The following PTPRN2 variants were observed in gnomAD, a reference collection of about 807,000 sequenced individuals.
PTPRN2 encodes receptor-type tyrosine-protein phosphatase N2.
PTPRN2 carries 74 observed loss-of-function variants against 118.8 expected under a neutral mutation model. The observed-to-expected ratio is 0.62, with a 90% CI of 0.52 to 0.76. PTPRN2 has a LOEUF of 0.76. Ranked by LOEUF, PTPRN2 falls within the 30% of genes least tolerant of loss-of-function variation. The probability of loss-of-function intolerance (pLI) is 0.00; values close to 1 mark genes in which losing one functional copy is unlikely to be tolerated. For synonymous variants in PTPRN2, 641 were observed against 608.0 expected, an observed-to-expected ratio of 1.05 and a Z score of -0.80; for missense variants, 1,481 against 1,394.4, an observed-to-expected ratio of 1.06 and a Z score of -0.99.
Position 157,587,125 on chromosome 7 carries a change from A to G in PTPRN2, c.2496+8113T>C, listed in dbSNP as rs556855933. ...TAGTGCAGTAGCTGACACAGCAGAC[A>G]GGCAGATACACAGGCAGGCAGACAG... On this transcript the variant is annotated intron_variant, in intron 17 of 22. Coordinates refer to ENST00000389418, the MANE Select transcript of PTPRN2 (RefSeq NM_002847.5). The surrounding 1 kb of genome is among the most constrained non-coding windows in gnomAD (Gnocchi z 5.3). Among the ~76,000 whole-genome samples, 50 of 152,308 alleles carry G rather than the reference A, an allele frequency of 3.3e-4. No homozygotes were observed. The highest frequency in any genetic ancestry group is 1.1e-3 in the African/African-American group (44 of 41,570).
chr7:157,743,290 G>A (rs748916623), intron 12 of PTPRN2, among the ~76,000 whole-genome samples: 3 of 152,174 alleles, frequency 2.0e-5, no homozygotes, highest in Admixed American at 6.5e-5. Flanking sequence ...CTTCCACAGC[G>A]AGGTCTGGTA....
chr7:157,907,812 T>C (rs905717262), intron 11 of PTPRN2, among the ~76,000 whole-genome samples: 2 of 152,138 alleles, frequency 1.3e-5, no homozygotes, highest in Admixed American at 6.5e-5. Context: ...TGTTCAGTCC[T>C]CAGGCCCTGA....
intron 3 of PTPRN2, among the ~76,000 whole-genome samples, chr7:158,277,449 G>C (rs1020079775): frequency 2.0e-5 from 3 of 152,180 alleles, no homozygotes; most frequent in African/African-American, 7.2e-5. Flanking sequence ...AAGCCCTCAA[G>C]TCTGCCCTAT....
At chr7:157,761,868 AT>A (rs1379412015) in intron 12 of PTPRN2, among the ~76,000 whole-genome samples, 2 of 152,132 alleles carry the variant, frequency 1.3e-5, no homozygotes, top group African/African-American at 4.8e-5. Flanking sequence ...AAGGGCTAAT[AT>A]CCAGAATCTA....
chr7:158,542,373 G>A (rs181963858), intron 1 of PTPRN2, among the ~76,000 whole-genome samples: 19 of 152,296 alleles, frequency 1.2e-4, no homozygotes, highest in African/African-American at 4.3e-4. Flanking sequence ...GGCTGGTCTC[G>A]AACTTCTAAC....
At chr7:157,930,141 A>C (rs61356677) in intron 11 of PTPRN2, among the ~76,000 whole-genome samples, 4,299 of 152,216 alleles carry the variant, frequency 0.028, 168 homozygotes, top group African/African-American at 0.09. Flanking sequence ...TCCTGCAGAG[A>C]TAGCACGAGG....
chr7:158,098,839 C>T (rs367873983), intron 10 of PTPRN2, among the ~76,000 whole-genome samples: 3 of 149,866 alleles, frequency 2.0e-5, no homozygotes, highest in Non-Finnish European at 4.4e-5. Flanking sequence ...CAGTGGGGGA[C>T]GGGGAACGGG....
intron 9 of PTPRN2, among the ~76,000 whole-genome samples, chr7:158,114,547 C>T (rs528115668): frequency 6.6e-6 from 1 of 152,166 alleles, no homozygotes; most frequent in Non-Finnish European, 1.5e-5. Context: ...ACTTCCTGAG[C>T]ACTTGTGGTA....
chr7:157,610,535 C>A lies in PTPRN2; in HGVS notation c.2345-6460G>T, dbSNP rs954827612. Among the ~76,000 whole-genome samples the A allele has an allele frequency of 6.6e-6, 1 of 152,188 alleles. No individual in the cohort carries two copies. The highest frequency in any genetic ancestry group is 2.4e-5 in the African/African-American group (1 of 41,436). On this transcript the variant is annotated intron_variant, in intron 15 of 22. Transcript: ENST00000389418. This position sits in a 1 kb window ranked among gnomAD's most constrained non-coding sequence, Gnocchi z 5.1. Reference sequence around the variant, plus strand: ...CCTGCTCCGAGTTTATGGTGTCCATCGAGGTCTGAGGGCTGCAAAGGCACA... The same window carrying A: ...CCTGCTCCGAGTTTATGGTGTCCATAGAGGTCTGAGGGCTGCAAAGGCACA...
chr7:158,080,266 G>A (rs999383574), intron 11 of PTPRN2, among the ~76,000 whole-genome samples: 10 of 120,560 alleles, frequency 8.3e-5, no homozygotes, highest in Non-Finnish European at 1.4e-4. Flanking sequence ...AAATAAACCA[G>A]AGTATTTTGC....
At chr7:157,915,995 T>G (rs1043391836) in intron 11 of PTPRN2, among the ~76,000 whole-genome samples, 8 of 152,362 alleles carry the variant, frequency 5.3e-5, no homozygotes, top group Non-Finnish European at 1.2e-4. Flanking sequence ...AATTCAGGTT[T>G]GGGCAAAACC....
chr7:157,731,488 T>TTCCG (rs1799902068), intron 12 of PTPRN2, among the ~76,000 whole-genome samples: 2 of 148,026 alleles, frequency 1.4e-5, no homozygotes, highest in Non-Finnish European at 1.5e-5. Flanking sequence ...AGTTACCCTT[T>TTCCG]CCCGTCCCAT....
intron 2 of PTPRN2, among the ~76,000 whole-genome samples, chr7:158,383,096 G>A (rs1811085046): frequency 6.6e-6 from 1 of 152,116 alleles, no homozygotes; most frequent in Admixed American, 6.5e-5. Flanking sequence ...ATGATGCCTG[G>A]AGAACATTAA....
At chr7:158,359,243 G>A (rs546395768) in intron 2 of PTPRN2, among the ~76,000 whole-genome samples, 6 of 152,332 alleles carry the variant, frequency 3.9e-5, no homozygotes, top group South Asian at 4.1e-4. Flanking sequence ...CTACAGAGGC[G>A]ACCATCACTA....
chr7:158,100,543 C>T (rs1815150301), intron 10 of PTPRN2, among the ~76,000 whole-genome samples: 1 of 152,178 alleles, frequency 6.6e-6, no homozygotes, highest in Admixed American at 6.5e-5. Flanking sequence ...TCCCTGTTCA[C>T]CACATCCACA....
chr7:157,689,018 C>T (rs1045634319), intron 12 of PTPRN2, among the ~76,000 whole-genome samples: 1 of 152,176 alleles, frequency 6.6e-6, no homozygotes, highest in South Asian at 2.1e-4. Flanking sequence ...GCGCCGGCCG[C>T]GAGGGAGGAC....
chr7:158,331,285 C>G (rs1455249752), intron 2 of PTPRN2, among the ~76,000 whole-genome samples: 2 of 146,502 alleles, frequency 1.4e-5, no homozygotes, highest in African/African-American at 2.6e-5. Context: ...CACCCGCAGA[C>G]GTCACTCACA....
intron 11 of PTPRN2, among the ~76,000 whole-genome samples, chr7:158,073,903 C>T (rs1175759859): frequency 1.3e-5 from 2 of 152,196 alleles, no homozygotes; most frequent in South Asian, 2.1e-4. Flanking sequence ...CCTCGTCCCC[C>T]AGGCCCACAG....
chr7:158,149,774 A>G (rs533985118), intron 6 of PTPRN2, among the ~76,000 whole-genome samples: 20 of 151,370 alleles, frequency 1.3e-4, no homozygotes, highest in African/African-American at 4.8e-4. Context: ...ATTGCACTCC[A>G]GCCTGAGTGA....
Sources: gnomAD v4.1 joint callset for allele counts (sites outside exome capture counted in the v4.1 genomes callset) on GRCh38, gnomAD v4.1.1 for gene constraint, Gnocchi (gnomAD v3.1) non-coding constraint, MANE v1.5 for transcripts, NCBI Gene and HGNC (gene_info 2026-07-23, HGNC 2026-07-21) for gene names.